The following SLC45A4 variants were observed in gnomAD, a reference collection of about 807,000 sequenced individuals.
SLC45A4 encodes solute carrier family 45 member 4.
Under a neutral mutation model 63.7 loss-of-function variants are expected in SLC45A4, and 32 were observed. The observed-to-expected ratio is 0.50, with a 90% CI of 0.38 to 0.67. SLC45A4 has a LOEUF of 0.67. Among genes scored for constraint, SLC45A4 ranks in the 30% least tolerant of loss-of-function variants. SLC45A4 has a pLI of 0.00. For synonymous variants in SLC45A4, 535 were observed against 510.0 expected, an observed-to-expected ratio of 1.05 and a Z score of -0.66; for missense variants, 1,027 against 1,157.7, an observed-to-expected ratio of 0.89 and a Z score of 1.64.
intron 1 of SLC45A4, among the ~76,000 whole-genome samples, chr8:141,265,278 ACT>A (rs768679978): frequency 1.3e-5 from 2 of 152,096 alleles, no homozygotes; most frequent in Non-Finnish European, 2.9e-5. Context: ...GAACACGAAG[ACT>A]CTGAGGCAGT....
In SLC45A4 at chr8:141,229,501, C is replaced by T. The variant is rs1827226123; in HGVS notation, c.242-7736G>A. 6.6e-6 allele frequency among the ~76,000 whole-genome samples: 1 copy of T among 152,176 alleles called. No individual in the cohort carries two copies. The highest frequency in any genetic ancestry group is 1.5e-5 in the Non-Finnish European group (1 of 68,036). ...AGCCAGTGCCTTCCCCGGGTAGGGG[C>T]AGCTCCCCTGGTGTCCAGGCACTCC... On this transcript the variant is annotated intron_variant, in intron 2 of 8. Transcript: ENST00000517878. The surrounding 1 kb of genome is among the most constrained non-coding windows in gnomAD (Gnocchi z 5.0).
Position 141,238,341 on chromosome 8 carries a change from T to C in SLC45A4, c.241+15648A>G, listed in dbSNP as rs1167160246. ...AAATATACACAACATCGAATTGACC[T>C]TTTTAATCCCTGTGAGCGCACAGCT... On this transcript the variant is annotated intron_variant, in intron 2 of 8. Transcript: ENST00000517878. Among the ~76,000 whole-genome samples the C allele has an allele frequency of 4.6e-5, 7 of 152,324 alleles. No individual in the cohort carries two copies. The East Asian group carries it at 1.3e-3, about 29-fold the overall frequency.
chr8:141,305,663 G>A (rs907011305), intron 1 of SLC45A4, among the ~76,000 whole-genome samples: 1 of 152,326 alleles, frequency 6.6e-6, no homozygotes, highest in Admixed American at 6.5e-5. Context: ...CCACAAGGCT[G>A]TTGGTCACAA....
In SLC45A4 at chr8:141,212,697, G is replaced by C. The variant is rs1825914145; in HGVS notation, c.1942-141C>G. 3.0e-6 allele frequency: 3 copies of C among 1,014,296 alleles called. No individual in the cohort carries two copies. In the Admixed American group the frequency reaches 8.4e-5, roughly 28 times the overall value. 62.8% of individuals were successfully genotyped at this position (1,014,296 alleles called of 1,614,324 possible). ...TCTCTTGGCAACCACTCCTGCCTGAGCACCCTCAATCCCCCAGCTCCTGTC... is the reference window on the plus strand; with the variant it reads ...TCTCTTGGCAACCACTCCTGCCTGACCACCCTCAATCCCCCAGCTCCTGTC... On this transcript the variant is annotated intron_variant, in intron 7 of 8. Coordinates refer to ENST00000517878, the MANE Select transcript of SLC45A4 (RefSeq NM_001286646.2).
Position 141,218,610 on chromosome 8 carries a change from G to A in SLC45A4, c.1030C>T (p.Pro344Ser), listed in dbSNP as rs1826358255. The change falls in exon 5 of 9, where the codon CCC becomes TCC. Residue 344 changes from proline (P) to serine (S), a missense_variant. Transcript: ENST00000517878. Reference protein sequence around the residue: ...IFHDASYPATPRSTSQELAKT... With the variant: ...IFHDASYPATSRSTSQELAKT... ...GCGAGCTCCTGGCTGGTGCTGCGGG[G>A]GGTGGCGGGGTAGGAGGCGTCGTGG... The A allele has an allele frequency of 1.2e-6, 2 of 1,613,290 alleles. No individual in the cohort carries two copies. Among genetic ancestry groups the A allele is most frequent in the African/African-American group, 1.3e-5 (1 of 74,924 alleles).
intron 1 of SLC45A4, among the ~76,000 whole-genome samples, chr8:141,274,040 T>C (rs1022710896): frequency 4.0e-5 from 6 of 148,950 alleles, no homozygotes; most frequent in African/African-American, 1.5e-4. Context: ...CCATCCTGCC[T>C]AACACAGTGA....
At chr8:141,281,791 T>G (rs1829957409) in intron 1 of SLC45A4, among the ~76,000 whole-genome samples, 1 of 152,216 alleles carries the variant, frequency 6.6e-6, no homozygotes, top group Admixed American at 6.5e-5. Flanking sequence ...TTGGTTTCAT[T>G]AGGATTTTTA....
intron 1 of SLC45A4, among the ~76,000 whole-genome samples, chr8:141,305,709 G>C (rs1830875855): frequency 6.6e-6 from 1 of 152,184 alleles, no homozygotes; most frequent in South Asian, 2.1e-4. Flanking sequence ...CAGGACCCTC[G>C]GGAAGAGCGG....
intron 1 of SLC45A4, among the ~76,000 whole-genome samples, chr8:141,282,260 C>T (rs1473372207): frequency 6.6e-6 from 1 of 152,346 alleles, no homozygotes; most frequent in Non-Finnish European, 1.5e-5. Context: ...AGGACAATGA[C>T]ACGTGAGCAG....
At chr8:141,225,366 G>C (rs938854576) in intron 2 of SLC45A4, 1 of 152,244 alleles carries the variant, frequency 6.6e-6, no homozygotes, top group Non-Finnish European at 1.5e-5. Context: ...GAAAGGCAGA[G>C]TGGAGTTAAC....
intron 2 of SLC45A4, among the ~76,000 whole-genome samples, chr8:141,231,857 A>G (rs1827373715): frequency 6.6e-6 from 1 of 152,230 alleles, no homozygotes; most frequent in Admixed American, 6.5e-5. Flanking sequence ...GACGCCTCTC[A>G]ACAGCGCCTG....
intron 7 of SLC45A4, among the ~76,000 whole-genome samples, chr8:141,214,690 C>T (rs1038380673): frequency 6.6e-6 from 1 of 152,116 alleles, no homozygotes; most frequent in African/African-American, 2.4e-5. Context: ...GGACTTATTA[C>T]AAAACTAGTG....
chr8:141,265,551 G>A (rs1262115872), intron 1 of SLC45A4, among the ~76,000 whole-genome samples: 1 of 152,192 alleles, frequency 6.6e-6, no homozygotes, highest in Admixed American at 6.5e-5. Flanking sequence ...ATATAAGCAC[G>A]AGAGCATTAT....
At chr8:141,245,891 C>T (rs527892084) in intron 2 of SLC45A4, among the ~76,000 whole-genome samples, 1 of 152,320 alleles carries the variant, frequency 6.6e-6, no homozygotes, top group South Asian at 2.1e-4. Flanking sequence ...GGCCACCTCA[C>T]ACACACGGGC....
intron 1 of SLC45A4, among the ~76,000 whole-genome samples, chr8:141,275,926 T>C (rs985636763): frequency 1.3e-5 from 2 of 152,042 alleles, no homozygotes; most frequent in Non-Finnish European, 2.9e-5. Flanking sequence ...CTTTTTTTTT[T>C]TTTTGAGATG....
intron 1 of SLC45A4, among the ~76,000 whole-genome samples, chr8:141,305,421 C>T (rs1339640269): frequency 1.3e-5 from 2 of 152,200 alleles, no homozygotes; most frequent in African/African-American, 4.8e-5. Context: ...GATGGTGTTT[C>T]ACTAAGTGCG....
rs114000856 is a variant in SLC45A4, at chr8:141,261,910, C to T, written c.-400-7281G>A. ...TATGGAACCAATAAAGAGCCTGCAT[C>T]GCATCCTAAGCCAAAAGAACAAAGC... On this transcript the variant is annotated intron_variant, in intron 1 of 8. Transcript: ENST00000517878. Among the ~76,000 whole-genome samples, 334 of 151,520 alleles carry T rather than the reference C, an allele frequency of 2.2e-3. 2 individuals carry two copies. The highest frequency in any genetic ancestry group is 7.8e-3 in the African/African-American group (324 of 41,458).
intron 2 of SLC45A4, among the ~76,000 whole-genome samples, chr8:141,243,606 C>T (rs895209010): frequency 3.9e-5 from 6 of 152,156 alleles, no homozygotes; most frequent in African/African-American, 1.2e-4. Context: ...AATCGCACCA[C>T]TGTGCTCCAG....
intron 8 of SLC45A4, 96 bp downstream of exon 8, chr8:141,212,101 G>T (rs959624070): frequency 2.1e-6 from 3 of 1,431,110 alleles, no homozygotes; most frequent in African/African-American, 1.4e-5. Context: ...GCAGGGTTCC[G>T]CGGTGTCTCT....
Sources: allele counts gnomAD v4.1 joint callset (sites outside exome capture counted in the v4.1 genomes callset), GRCh38; gene constraint gnomAD v4.1.1; non-coding constraint Gnocchi (gnomAD v3.1); transcripts MANE v1.5; gene names NCBI Gene and HGNC (gene_info 2026-07-23, HGNC 2026-07-21).